VPS13C: variants seen among roughly 807,000 people sequenced by gnomAD.
VPS13C encodes the protein intermembrane lipid transfer protein VPS13C.
VPS13C carries 358 observed loss-of-function variants against 456.8 expected under a neutral mutation model. The ratio of observed to expected loss-of-function variants is 0.78; its 90% CI spans 0.72 to 0.86. The LOEUF (loss-of-function observed/expected upper bound fraction) is 0.86. Among genes scored for constraint, VPS13C ranks in the 40% least tolerant of loss-of-function variants. The pLI is 0.00. For synonymous variants in VPS13C, 1,578 were observed against 1,486.7 expected (o/e 1.06, Z -1.41); for missense variants, 4,818 against 4,385.4 (o/e 1.10, Z -2.79).
intron 44 of VPS13C, 111 bp from the exon 45 acceptor site, chr15:61,945,993 G>C: frequency 1.0e-6 from 1 of 953,190 alleles, no homozygotes; most frequent in African/African-American, 1.7e-5. Flanking sequence ...AGAAATATAT[G>C]AATTCAACAT....
At chr15:61,855,147 T>A (rs1893836755) in intron 83 of VPS13C, among the ~76,000 whole-genome samples, 193 bp from the exon 84 acceptor site, 1 of 152,216 alleles carries the variant, frequency 6.6e-6, no homozygotes, top group Admixed American at 6.5e-5. Context: ...TTGTTAGAAC[T>A]TATAAAATTG....
intron 15 of VPS13C, among the ~76,000 whole-genome samples, chr15:62,004,144 T>C (rs1228010900): frequency 1.3e-5 from 2 of 151,904 alleles, no homozygotes; most frequent in Non-Finnish European, 2.9e-5. Context: ...TGAATCCATC[T>C]GGTCCTGGAC....
chr15:61,975,504 C>G (rs995003331), intron 24 of VPS13C, among the ~76,000 whole-genome samples: 8 of 151,906 alleles, frequency 5.3e-5, no homozygotes, highest in African/African-American at 1.9e-4. Flanking sequence ...AGTTTTATGC[C>G]AATACATTCA....
At chr15:61,977,456 A>G (rs1282771003) in intron 23 of VPS13C, among the ~76,000 whole-genome samples, 1 of 152,022 alleles carries the variant, frequency 6.6e-6, no homozygotes, top group African/African-American at 2.4e-5. Context: ...ATGTTCACAT[A>G]ACATCTTGCA....
At chr15:62,034,077 G>C (rs984517325) in intron 4 of VPS13C, among the ~76,000 whole-genome samples, 3 of 151,490 alleles carry the variant, frequency 2.0e-5, no homozygotes, top group African/African-American at 7.3e-5. Context: ...TTATAGTATT[G>C]ATTACAATGA....
At chr15:62,015,253 T>C (rs1211521107) in intron 9 of VPS13C, among the ~76,000 whole-genome samples, 1 of 152,122 alleles carries the variant, frequency 6.6e-6, no homozygotes, top group Non-Finnish European at 1.5e-5. Context: ...TACCTCAAAT[T>C]CATTTTGGAA....
At chr15:61,993,020 GCTT>G (rs1301321322) in intron 16 of VPS13C, among the ~76,000 whole-genome samples, 1 of 152,074 alleles carries the variant, frequency 6.6e-6, no homozygotes, top group Non-Finnish European at 1.5e-5. Context: ...ATAAAACCGA[GCTT>G]TTTTGGAAAT....
intron 1 of VPS13C, among the ~76,000 whole-genome samples, chr15:62,045,355 G>A (rs951961588): frequency 1.3e-5 from 2 of 152,006 alleles, no homozygotes; most frequent in South Asian, 2.1e-4. Context: ...CAATAGAAGC[G>A]TACACAAGAT....
intron 5 of VPS13C, among the ~76,000 whole-genome samples, chr15:62,030,375 T>A (rs916577932): frequency 1.3e-5 from 2 of 151,998 alleles, no homozygotes; most frequent in African/African-American, 4.8e-5. Context: ...AGTGACTGGA[T>A]CATTGGGGTG....
At chr15:61,876,008 C>T (rs1167252564) in intron 75 of VPS13C, among the ~76,000 whole-genome samples, 163 bp from the exon 76 acceptor site, 1 of 151,996 alleles carries the variant, frequency 6.6e-6, no homozygotes, top group Non-Finnish European at 1.5e-5. Context: ...TTACTGTGTG[C>T]CAGGCACTAT....
Position 62,020,538 on chromosome 15 carries a change from C to G in VPS13C, c.625G>C (p.Val209Leu), listed in dbSNP as rs771620970. 1.9e-6 allele frequency: 3 copies of G among 1,611,052 alleles called. No homozygotes were observed. The highest frequency in any genetic ancestry group is 1.7e-4 in the Middle Eastern group (1 of 6,042). The change falls in exon 9 of 85, where the codon GTC becomes CTC. Residue 209 changes from valine to leucine, a missense_variant and splice_region_variant. Physicochemically the swap from Val to Leu is conservative, Grantham distance 32 (BLOSUM62 1). This residue lies in a region of VPS13C where 4,552 missense variants were observed against 4,130.6 expected (regional missense o/e 1.10). Transcript: ENST00000644861. ...TDIHIKYEDDVTDPKRPLSFG... is the reference protein window; with the variant it reads ...TDIHIKYEDDLTDPKRPLSFG... ...GAAAGAGGCCGCTTTGGATCAGTGA[C>G]CTACCAAAGAAGAAAAGATAACAGT...
chr15:61,908,977 C>G lies in VPS13C; in HGVS notation c.8978+15G>C. 6.2e-7 allele frequency: 1 copy of G among 1,610,136 alleles called. No individual in the cohort carries two copies. Among genetic ancestry groups the G allele is most frequent in the Non-Finnish European group, 8.5e-7 (1 of 1,178,002 alleles). ...ACCAATAAAAGTATTTCCCATTAAC[C>G]CTTTTTTCTCATACCTCTGTTTGTA... On this transcript the variant is annotated intron_variant, in intron 65 of 84. Transcript: ENST00000644861.
intron 42 of VPS13C, among the ~76,000 whole-genome samples, chr15:61,949,141 T>G (rs979385219): frequency 6.6e-6 from 1 of 152,318 alleles, no homozygotes; most frequent in East Asian, 1.9e-4. Flanking sequence ...TTTTCCTTTC[T>G]CACTTCCATT....
At chr15:62,050,981 C>T (rs768278785) in intron 1 of VPS13C, among the ~76,000 whole-genome samples, 2 of 150,736 alleles carry the variant, frequency 1.3e-5, no homozygotes, top group South Asian at 2.1e-4. Flanking sequence ...AACAACCAAG[C>T]TAGTGTATTT....
chr15:62,049,269 T>C (rs1454097557), intron 1 of VPS13C, among the ~76,000 whole-genome samples: 2 of 152,224 alleles, frequency 1.3e-5, no homozygotes, highest in African/African-American at 4.8e-5. Context: ...CCATCTTGAA[T>C]TAATTTTTGT....
chr15:61,987,261 T>C (rs1305527550), intron 18 of VPS13C, among the ~76,000 whole-genome samples: 1 of 151,360 alleles, frequency 6.6e-6, no homozygotes. Flanking sequence ...TTAAGACTTA[T>C]AAAACTATAA....
At chr15:61,907,601 T>C (rs1353972488) in intron 65 of VPS13C, among the ~76,000 whole-genome samples, 1 of 152,158 alleles carries the variant, frequency 6.6e-6, no homozygotes, top group Non-Finnish European at 1.5e-5. Context: ...TTTCTGAAGC[T>C]TCAATGCACT....
In VPS13C at chr15:61,900,496, A is replaced by T. The variant is rs1428855997; in HGVS notation, c.9105+6768T>A. On this transcript the variant is annotated intron_variant, in intron 66 of 84. Coordinates refer to ENST00000644861, the MANE Select transcript of VPS13C (RefSeq NM_020821.3). ...AGACAGAGAGCCAAATCATGAGTGA[A>T]CTCCCATTCACAACTGATTCAAAGA... Among the ~76,000 whole-genome samples the T allele has an allele frequency of 2.6e-5, 4 of 152,164 alleles. No homozygotes were observed. In the East Asian group the frequency reaches 7.7e-4, roughly 29 times the overall value.
intron 64 of VPS13C, 43 bp downstream of exon 64, chr15:61,910,134 T>C: frequency 9.0e-7 from 1 of 1,112,142 alleles, no homozygotes. Context: ...AATAAAAAAT[T>C]AAATAAATAA....
Sources: allele counts gnomAD v4.1 joint callset (sites outside exome capture counted in the v4.1 genomes callset), GRCh38; gene constraint gnomAD v4.1.1; regional missense constraint gnomAD v4.1.1; transcripts MANE v1.5; gene names NCBI Gene and HGNC (gene_info 2026-07-23, HGNC 2026-07-21).